The following GPC5 variants were observed in gnomAD, a reference collection of about 807,000 sequenced individuals.
GPC5 encodes the protein glypican 5.
In GPC5, 47 loss-of-function variants were observed where a neutral mutation model predicts 53.9. That is an observed-to-expected ratio of 0.87 (90% CI 0.69 to 1.11). The LOEUF is 1.11. Ranked by LOEUF, GPC5 falls within the 50% of genes most tolerant of loss-of-function variation. The probability of loss-of-function intolerance (pLI) is 0.00; values close to 1 mark genes in which losing one functional copy is unlikely to be tolerated. For synonymous variants in GPC5, 286 were observed against 263.3 expected (o/e 1.09, Z -0.84); for missense variants, 748 against 713.1 (o/e 1.05, Z -0.56).
At chr13:91,553,487 G>A (rs2030767416) in intron 2 of GPC5, among the ~76,000 whole-genome samples, 1 of 152,038 alleles carries the variant, frequency 6.6e-6, no homozygotes, top group Admixed American at 6.6e-5. Context: ...ATAAAAATGA[G>A]TTTTCTAAAT....
At chr13:91,947,070 T>C (rs1566357036) in intron 6 of GPC5, among the ~76,000 whole-genome samples, 1 of 152,174 alleles carries the variant, frequency 6.6e-6, no homozygotes, top group Non-Finnish European at 1.5e-5. Flanking sequence ...AGTGACATTG[T>C]TAACCATTGC....
intron 7 of GPC5, among the ~76,000 whole-genome samples, chr13:92,601,715 A>G (rs1884066908): frequency 6.6e-6 from 1 of 152,084 alleles, no homozygotes; most frequent in Non-Finnish European, 1.5e-5. Flanking sequence ...ATATGAATGT[A>G]TTAATATGAT....
intron 7 of GPC5, among the ~76,000 whole-genome samples, chr13:92,684,938 G>A (rs1046788077): frequency 6.6e-6 from 1 of 152,114 alleles, no homozygotes; most frequent in African/African-American, 2.4e-5. Context: ...CATTATAATA[G>A]GTATGTAGTA....
chr13:91,781,653 G>T (rs573443663), intron 5 of GPC5, among the ~76,000 whole-genome samples: 5 of 152,134 alleles, frequency 3.3e-5, no homozygotes, highest in Non-Finnish European at 5.9e-5. Context: ...TTTACCAACC[G>T]CATGAAATAG....
At chr13:92,664,383 G>T (rs1476059795) in intron 7 of GPC5, among the ~76,000 whole-genome samples, 1 of 148,288 alleles carries the variant, frequency 6.7e-6, no homozygotes, top group Non-Finnish European at 1.5e-5. Context: ...ACTTAATCAA[G>T]ATAGCAGCAT....
intron 7 of GPC5, among the ~76,000 whole-genome samples, chr13:92,742,637 T>C (rs1383101915): frequency 6.6e-6 from 1 of 152,130 alleles, no homozygotes; most frequent in African/African-American, 2.4e-5. Flanking sequence ...TTTGGTGTTT[T>C]AGACACGAAG....
At chr13:92,753,750 G>A (rs536848656) in intron 7 of GPC5, among the ~76,000 whole-genome samples, 1 of 151,924 alleles carries the variant, frequency 6.6e-6, no homozygotes, top group African/African-American at 2.4e-5. Context: ...TGAAATGAAT[G>A]AAATGAAGCG....
chr13:92,005,083 C>T (rs1292326363), intron 6 of GPC5, among the ~76,000 whole-genome samples: 4 of 152,152 alleles, frequency 2.6e-5, no homozygotes, highest in African/African-American at 7.2e-5. Context: ...CACCCAGGAA[C>T]AATACTTTGC....
At chr13:92,169,144 A>G (rs550796757) in intron 7 of GPC5, among the ~76,000 whole-genome samples, 1 of 152,264 alleles carries the variant, frequency 6.6e-6, no homozygotes, top group Non-Finnish European at 1.5e-5. Flanking sequence ...ATACGTGGAC[A>G]AAGGAAGGGG....
At chr13:91,923,236 A>T (rs1379379438) in intron 6 of GPC5, among the ~76,000 whole-genome samples, 1 of 152,204 alleles carries the variant, frequency 6.6e-6, no homozygotes, top group Non-Finnish European at 1.5e-5. Flanking sequence ...ATATGAGTCC[A>T]TAATGTTTTG....
intron 2 of GPC5, among the ~76,000 whole-genome samples, chr13:91,560,160 G>A (rs1166949027): frequency 6.6e-6 from 1 of 152,076 alleles, no homozygotes; most frequent in Admixed American, 6.6e-5. Flanking sequence ...AGTTTGAGAT[G>A]CCAGAGCTTC....
chr13:91,498,485 A>G (rs73602368), intron 2 of GPC5, among the ~76,000 whole-genome samples: 49 of 152,194 alleles, frequency 3.2e-4, no homozygotes, highest in African/African-American at 1.1e-3. Context: ...GGGAAGGGGA[A>G]GGACTTCACC....
intron 7 of GPC5, among the ~76,000 whole-genome samples, chr13:92,258,422 G>T (rs572486883): frequency 6.6e-6 from 1 of 152,224 alleles, no homozygotes; most frequent in East Asian, 1.9e-4. Flanking sequence ...CCTTTGTAAT[G>T]CTTTATCAAT....
At chr13:92,751,225 G>A (rs777890318) in intron 7 of GPC5, among the ~76,000 whole-genome samples, 18 of 135,886 alleles carry the variant, frequency 1.3e-4, no homozygotes, top group Admixed American at 2.5e-4. Flanking sequence ...TTTTGCCTGT[G>A]ACAATGTGTG....
chr13:92,668,525 A>G (rs1419665025), intron 7 of GPC5, among the ~76,000 whole-genome samples: 1 of 152,168 alleles, frequency 6.6e-6, no homozygotes, highest in Non-Finnish European at 1.5e-5. Context: ...TACATAATTA[A>G]TGCTAAAATT....
At chr13:91,993,457 A>G (rs1342715221) in intron 6 of GPC5, among the ~76,000 whole-genome samples, 1 of 152,062 alleles carries the variant, frequency 6.6e-6, no homozygotes, top group East Asian at 1.9e-4. Context: ...AGAATATAAT[A>G]TTAAAAATTT....
At chr13:92,312,873 G>A (rs572271886) in intron 7 of GPC5, among the ~76,000 whole-genome samples, 36 of 152,146 alleles carry the variant, frequency 2.4e-4, no homozygotes, top group Non-Finnish European at 4.3e-4. Flanking sequence ...AATGTCATCC[G>A]TGGTATAGGA....
intron 1 of GPC5, among the ~76,000 whole-genome samples, chr13:91,421,980 C>A (rs1878668937): frequency 1.3e-5 from 2 of 152,324 alleles, no homozygotes; most frequent in South Asian, 4.1e-4. Flanking sequence ...CTGGAGCCAA[C>A]AGAAACACAG....
chr13:91,645,329 A>G (rs189896622), intron 2 of GPC5, among the ~76,000 whole-genome samples: 8 of 152,220 alleles, frequency 5.3e-5, no homozygotes, highest in Admixed American at 5.2e-4. Context: ...TTACCTTTGA[A>G]TTTAACTTCT....
Sources: allele counts gnomAD v4.1 joint callset (sites outside exome capture counted in the v4.1 genomes callset), GRCh38; gene constraint gnomAD v4.1.1; transcripts MANE v1.5; gene names NCBI Gene and HGNC (gene_info 2026-07-23, HGNC 2026-07-21).